TDP1: variants seen among roughly 807,000 people sequenced by gnomAD.
The protein encoded by TDP1 is tyrosyl-DNA phosphodiesterase 1.
Under a neutral mutation model 81.5 loss-of-function variants are expected in TDP1, and 64 were observed. That is an observed-to-expected ratio of 0.79 (90% CI 0.64 to 0.97). The LOEUF (loss-of-function observed/expected upper bound fraction) is 0.97. Among genes scored for constraint, TDP1 ranks in the 50% least tolerant of loss-of-function variants. The pLI, the probability that TDP1 is intolerant of heterozygous loss-of-function variation, is 0.00. For synonymous variants in TDP1, 256 were observed against 264.3 expected, an observed-to-expected ratio of 0.97 and a Z score of 0.30; for missense variants, 723 against 743.8, an observed-to-expected ratio of 0.97 and a Z score of 0.33.
At chr14:90,016,726 C>CACAA (rs780157511) in intron 14 of TDP1, among the ~76,000 whole-genome samples, 1 of 151,842 alleles carries the variant, frequency 6.6e-6, no homozygotes, top group African/African-American at 2.4e-5. Flanking sequence ...TTAAGAAATA[C>CACAA]ACACACACAC....
rs1271773068 is a variant in TDP1 at position 89,984,427 on chromosome 14, CTCTT to C, written c.885-84_885-81del. 3.7e-6 allele frequency: 6 copies of C among 1,606,684 alleles called. No individual in the cohort carries two copies. In the Admixed American group the frequency reaches 5.0e-5, roughly 13 times the overall value. ...CCATGTGGAGATACCGAGAATTCAC[CTCTT>C]TCTTAGGATGAAGGCATAATCGATA... On this transcript the variant is annotated intron_variant, in intron 8 of 16. Coordinates refer to ENST00000335725, the MANE Select transcript of TDP1 (RefSeq NM_018319.4).
chr14:89,968,160 C>CTT (rs61587248), intron 5 of TDP1, among the ~76,000 whole-genome samples: 35 of 127,804 alleles, frequency 2.7e-4, no homozygotes, highest in African/African-American at 5.4e-4. Flanking sequence ...GCACTTGGGG[C>CTT]TTTTTTTTTT....
chr14:90,001,337 A>T (rs1004846452), intron 14 of TDP1, among the ~76,000 whole-genome samples: 1 of 152,186 alleles, frequency 6.6e-6, no homozygotes, highest in Non-Finnish European at 1.5e-5. Flanking sequence ...AACATTTTTC[A>T]TAGATCCTGG....
At chr14:89,998,237 G>C (rs1243033763) in intron 14 of TDP1, among the ~76,000 whole-genome samples, 3 of 151,514 alleles carry the variant, frequency 2.0e-5, no homozygotes. Context: ...TGCCCAATGA[G>C]TTAAGATCAA....
At chr14:90,012,685 C>G (rs1884852372) in intron 14 of TDP1, among the ~76,000 whole-genome samples, 1 of 152,022 alleles carries the variant, frequency 6.6e-6, no homozygotes, top group Non-Finnish European at 1.5e-5. Context: ...GGAACCCCCA[C>G]ACAGAGTCCC....
chr14:89,964,798 A>G, intron 3 of TDP1: 1 of 402,450 alleles, frequency 2.5e-6, no homozygotes, highest in Non-Finnish European at 4.8e-6. Flanking sequence ...GCACCAAGGT[A>G]TTGTGGTAAC....
Position 89,989,761 on chromosome 14 carries a change from T to A in TDP1, c.1362T>A (p.Tyr454Ter), listed in dbSNP as rs1895982543. The change falls in exon 12 of 17, where the codon TAT (tyrosine) becomes TAA (stop). Residue 454 changes from tyrosine to a stop codon, truncating the protein, a stop_gained. Coordinates refer to ENST00000335725, the MANE Select transcript of TDP1 (RefSeq NM_018319.4). LOFTEE classifies it high-confidence loss of function. ...ATGTGCGGACCAGTTTAGAAGGATATCCTGGTAATTCTTGGGGAGACTGTC... is the reference window on the plus strand; with the variant it reads ...ATGTGCGGACCAGTTTAGAAGGATAACCTGGTAATTCTTGGGGAGACTGTC... ...VENVRTSLEG[Y>*]PAGGSLPYSI... 6.2e-7 allele frequency: 1 copy of A among 1,607,842 alleles called. No homozygotes were observed. Among genetic ancestry groups the A allele is most frequent in the Non-Finnish European group, 8.5e-7 (1 of 1,174,482 alleles).
intron 16 of TDP1, chr14:90,042,828 A>C: frequency 1.0e-6 from 1 of 970,302 alleles, no homozygotes; most frequent in South Asian, 4.8e-5. Flanking sequence ...TGCAATTCAA[A>C]ATGAGATTTG....
At chr14:90,003,612 G>A (rs1897371037) in intron 14 of TDP1, among the ~76,000 whole-genome samples, 1 of 152,148 alleles carries the variant, frequency 6.6e-6, no homozygotes, top group African/African-American at 2.4e-5. Flanking sequence ...GGTGTAATTG[G>A]CAAACCCAAT....
chr14:90,011,295 G>A (rs576272743), intron 14 of TDP1, among the ~76,000 whole-genome samples: 7 of 152,250 alleles, frequency 4.6e-5, no homozygotes, highest in East Asian at 1.9e-4. Flanking sequence ...AATTGCTACC[G>A]GTAGAGTGGG....
intron 14 of TDP1, among the ~76,000 whole-genome samples, chr14:89,997,639 C>A (rs972858202): frequency 2.6e-5 from 4 of 152,112 alleles, no homozygotes; most frequent in Non-Finnish European, 5.9e-5. Flanking sequence ...AGCGGATCAA[C>A]GCCTGGGCAT....
At chr14:90,042,936 C>T (rs767885452) in intron 16 of TDP1, 134 bp from the exon 17 acceptor site, 449 of 1,545,612 alleles carry the variant, frequency 2.9e-4, no homozygotes, top group Non-Finnish European at 3.6e-4. Context: ...GGGGGAGAAT[C>T]TTCTGGGCTT....
rs36009827 is a variant in TDP1, at chr14:89,989,101, G to A, written c.1317+11G>A. On this transcript the variant is annotated intron_variant, in intron 11 of 16. Coordinates refer to ENST00000335725, the MANE Select transcript of TDP1 (RefSeq NM_018319.4). ...GTTCCTCTTTACTTGGTGAGTTCTC[G>A]TCCTCATTGAGGTAGTTTACTTTTA... 1,418 of 1,611,332 alleles carry A rather than the reference G, an allele frequency of 8.8e-4. 6 individuals are homozygous for A. The African/African-American group carries it at 0.015, about 17-fold the overall frequency.
chr14:90,035,571 T>A (rs1439162582), intron 16 of TDP1, among the ~76,000 whole-genome samples: 1 of 152,120 alleles, frequency 6.6e-6, no homozygotes, highest in African/African-American at 2.4e-5. Flanking sequence ...TCTCTAGGTT[T>A]TAGTGTGTCT....
chr14:89,971,386 A>G (rs1395588809), intron 6 of TDP1, 115 bp downstream of exon 6: 7 of 779,064 alleles, frequency 9.0e-6, no homozygotes, highest in East Asian at 2.7e-5. Context: ...TCAGTCATCA[A>G]TAGATATTTG....
chr14:90,010,024 A>C lies in TDP1; in HGVS notation c.1542-9292A>C, dbSNP rs562707148. On this transcript the variant is annotated intron_variant, in intron 14 of 16. Transcript: ENST00000335725. ...ATGCCTAAGTGAGAACGCTAAAGCT[A>C]TAAAGCCTAGAACAAGAATACCCTA... is the stretch of plus-strand genomic sequence containing the variant. Among the ~76,000 whole-genome samples the C allele has an allele frequency of 5.2e-5, 8 of 152,398 alleles. No homozygotes were observed. The South Asian group carries it at 1.7e-3, about 32-fold the overall frequency.
At chr14:89,965,769 C>G in intron 3 of TDP1, 1 of 984,996 alleles carries the variant, frequency 1.0e-6, no homozygotes, top group Non-Finnish European at 1.2e-6. Context: ...GAAAGTTTTT[C>G]TAGTCTTGAG....
At chr14:89,978,216 T>C (rs1393820504) in intron 7 of TDP1, among the ~76,000 whole-genome samples, 1 of 152,202 alleles carries the variant, frequency 6.6e-6, no homozygotes, top group African/African-American at 2.4e-5. Context: ...TGTGAAACCA[T>C]GTGTGGTGAA....
intron 10 of TDP1, 73 bp from the exon 11 acceptor site, chr14:89,988,832 T>C: frequency 6.2e-7 from 1 of 1,600,502 alleles, no homozygotes. Context: ...AGCAGAAAAC[T>C]GTTTTCAAAT....
Sources: allele counts gnomAD v4.1 joint callset (sites outside exome capture counted in the v4.1 genomes callset), GRCh38; gene constraint gnomAD v4.1.1; transcripts MANE v1.5; gene names NCBI Gene and HGNC (gene_info 2026-07-23, HGNC 2026-07-21).